UTRN: variants seen among roughly 807,000 people sequenced by gnomAD.
UTRN encodes the protein utrophin, also known as dystrophin-related protein 1.
Under a neutral mutation model 463.9 loss-of-function variants are expected in UTRN, and 283 were observed. The observed-to-expected ratio is 0.61, with a 90% CI of 0.55 to 0.67. The LOEUF is 0.67. UTRN is among the 30% of genes least tolerant of loss of function. The pLI is 0.00. For missense variants in UTRN, 3,922 were observed against 4,084.3 expected (o/e 0.96, Z 1.08); for synonymous variants, 1,442 against 1,431.5 (o/e 1.01, Z -0.17).
chr6:144,690,091 T>TGTGTGTG (rs1447726041), intron 52 of UTRN, among the ~76,000 whole-genome samples: 14 of 34,398 alleles, frequency 4.1e-4, no homozygotes, highest in South Asian at 1.7e-3. Flanking sequence ...TTTTTTTTTT[T>TGTGTGTG]TTTTTGTGTG....
At chr6:144,762,717 A>G (rs1016485779) in intron 58 of UTRN, among the ~76,000 whole-genome samples, 6 of 152,144 alleles carry the variant, frequency 3.9e-5, no homozygotes, top group Non-Finnish European at 7.4e-5. Flanking sequence ...ATCTTTCCCC[A>G]TTCACATGAT....
At chr6:144,615,098 CATTTT>C (rs1805944635) in intron 51 of UTRN, among the ~76,000 whole-genome samples, 1 of 152,176 alleles carries the variant, frequency 6.6e-6, no homozygotes, top group African/African-American at 2.4e-5. Context: ...CAATTACAGA[CATTTT>C]AGTTTATTTA....
intron 39 of UTRN, among the ~76,000 whole-genome samples, chr6:144,519,209 TA>T (rs1309303115): frequency 6.6e-6 from 1 of 152,220 alleles, no homozygotes; most frequent in African/African-American, 2.4e-5. Context: ...TATTGATATT[TA>T]TCTTCTAATT....
intron 62 of UTRN, among the ~76,000 whole-genome samples, chr6:144,792,255 G>T (rs139347270): frequency 1.7e-4 from 26 of 152,116 alleles, no homozygotes; most frequent in Non-Finnish European, 2.8e-4. Flanking sequence ...CTTATAAAAA[G>T]AGAGAATGGA....
intron 51 of UTRN, among the ~76,000 whole-genome samples, chr6:144,670,357 T>G (rs1259296006): frequency 6.6e-6 from 1 of 152,178 alleles, no homozygotes; most frequent in Non-Finnish European, 1.5e-5. Context: ...TGGTTTTGAT[T>G]TGCATTTCCC....
At chr6:144,436,221 T>C in intron 10 of UTRN, 83 bp downstream of exon 10, 2 of 1,330,152 alleles carry the variant, frequency 1.5e-6, no homozygotes, top group South Asian at 1.4e-5. Flanking sequence ...CTATTTGTTA[T>C]CTACTGAATT....
intron 14 of UTRN, among the ~76,000 whole-genome samples, chr6:144,445,714 A>G (rs1475977962): frequency 5.9e-5 from 9 of 152,152 alleles, no homozygotes; most frequent in African/African-American, 2.2e-4. Context: ...TATTTAGGCC[A>G]AAAAGTCTCA....
chr6:144,582,127 C>T (rs1802024055), intron 51 of UTRN, among the ~76,000 whole-genome samples: 1 of 152,104 alleles, frequency 6.6e-6, no homozygotes, highest in Admixed American at 6.5e-5. Flanking sequence ...TTGATAAACA[C>T]CGTTCTGTAA....
chr6:144,627,085 G>A (rs895227970), intron 51 of UTRN, among the ~76,000 whole-genome samples: 4 of 151,562 alleles, frequency 2.6e-5, no homozygotes, highest in Admixed American at 6.6e-5. Flanking sequence ...ACCTGTGTGT[G>A]TGTGTGCACT....
chr6:144,301,155 T>C (rs926378746), intron 2 of UTRN, among the ~76,000 whole-genome samples: 1 of 152,148 alleles, frequency 6.6e-6, no homozygotes, highest in Non-Finnish European at 1.5e-5. Context: ...TATTAGCAAA[T>C]ATAAAAAGGT....
chr6:144,367,445 T>A (rs1470032098), intron 2 of UTRN, among the ~76,000 whole-genome samples: 8 of 152,186 alleles, frequency 5.3e-5, no homozygotes, highest in African/African-American at 1.9e-4. Context: ...ATGTTCTTTT[T>A]ATGACTTTCC....
At chr6:144,429,270 C>T (rs749204327) in intron 8 of UTRN, among the ~76,000 whole-genome samples, 1 of 152,120 alleles carries the variant, frequency 6.6e-6, no homozygotes, top group Non-Finnish European at 1.5e-5. Flanking sequence ...GGATTGAATT[C>T]TAGACTTATT....
At chr6:144,612,342 C>T (rs1246290182) in intron 51 of UTRN, among the ~76,000 whole-genome samples, 2 of 151,662 alleles carry the variant, frequency 1.3e-5, no homozygotes, top group East Asian at 1.9e-4. Context: ...TGGCCGTTCA[C>T]CAGCAAAAAT....
intron 33 of UTRN, among the ~76,000 whole-genome samples, chr6:144,495,104 C>T (rs1223919781): frequency 3.9e-5 from 6 of 152,362 alleles, no homozygotes; most frequent in East Asian, 3.9e-4. Context: ...ATCCCGCACC[C>T]GGGCTGCAGG....
intron 64 of UTRN, chr6:144,799,525 G>A (rs1777534176): frequency 2.1e-6 from 1 of 471,300 alleles, no homozygotes; most frequent in African/African-American, 2.0e-5. Flanking sequence ...TACATTTGGA[G>A]TATCTGGTAG....
intron 43 of UTRN, among the ~76,000 whole-genome samples, chr6:144,537,123 G>A (rs374873289): frequency 1.3e-5 from 2 of 152,006 alleles, no homozygotes; most frequent in South Asian, 4.1e-4. Flanking sequence ...TATGAATAAA[G>A]CAGAGTAATA....
intron 2 of UTRN, among the ~76,000 whole-genome samples, chr6:144,321,004 C>A (rs1775603821): frequency 6.6e-6 from 1 of 152,176 alleles, no homozygotes; most frequent in Non-Finnish European, 1.5e-5. Flanking sequence ...GAGGGCACAG[C>A]TGTTTGGAAT....
At position 144,514,699 on chromosome 6, in the gene UTRN, G is replaced by A. The variant is rs115466543; in HGVS notation, c.5123G>A (p.Arg1708His). 2.2e-4 allele frequency: 361 copies of A among 1,614,132 alleles called. 1 individual carries two copies. The East Asian group carries it at 5.4e-3, about 24-fold the overall frequency. The change falls in exon 37 of 75, where the codon CGC becomes CAC. Residue 1708 changes from arginine to histidine, a missense_variant. By Grantham distance (29) the Arg-to-His change is conservative (BLOSUM62 0). Transcript: ENST00000367545. ...GCCAACCTCCAGGTTGAAAATGTCC[G>A]CGATCAAGCCCTTATTTTGATGAAT... Reference protein sequence around the residue: ...DDANLQVENVRDQALILMNAR... With the variant: ...DDANLQVENVHDQALILMNAR...
At chr6:144,290,576 T>C (rs1031568841) in intron 1 of UTRN, among the ~76,000 whole-genome samples, 1 of 152,114 alleles carries the variant, frequency 6.6e-6, no homozygotes, top group Non-Finnish European at 1.5e-5. Context: ...TAGGAATTTT[T>C]CCCCAACATA....
Sources: gnomAD v4.1 joint callset for allele counts (sites outside exome capture counted in the v4.1 genomes callset) on GRCh38, gnomAD v4.1.1 for gene constraint, MANE v1.5 for transcripts, NCBI Gene and HGNC (gene_info 2026-07-23, HGNC 2026-07-21) for gene names.